SYCP2L: variants seen among roughly 807,000 people sequenced by gnomAD.
SYCP2L encodes synaptonemal complex protein 2 like, also known as synaptonemal complex protein 2-like.
In SYCP2L, 98 loss-of-function variants were observed where a neutral mutation model predicts 125.8. That is an observed-to-expected ratio of 0.78 (90% CI 0.66 to 0.92). SYCP2L has a LOEUF of 0.92. Ranked by LOEUF, SYCP2L falls within the 40% of genes least tolerant of loss-of-function variation. SYCP2L has a pLI of 0.00. For synonymous variants in SYCP2L, 317 were observed against 325.4 expected (o/e 0.97, Z 0.28); for missense variants, 842 against 936.4 (o/e 0.90, Z 1.32).
Position 10,910,191 on chromosome 6 carries a change from A to G in SYCP2L, c.863A>G (p.Asp288Gly). The G allele has an allele frequency of 6.2e-7, 1 of 1,613,776 alleles. No individual in the cohort carries two copies. Among genetic ancestry groups the G allele is most frequent in the Non-Finnish European group, 8.5e-7 (1 of 1,179,844 alleles). ...FLNHLNNRLG[D>G]QRRVYSFPCI... Reference sequence around the variant, plus strand: ...AATCACCTAAACAACAGACTTGGTGACCAAAGAAGGTAAGTTGTGTCTCTG... The same window carrying G: ...AATCACCTAAACAACAGACTTGGTGGCCAAAGAAGGTAAGTTGTGTCTCTG... Residue 288 changes from aspartate (D) to glycine (G), a missense_variant, in exon 11 of 30, where the codon GAC (aspartate) becomes GGC (glycine). Coordinates refer to ENST00000283141, the MANE Select transcript of SYCP2L (RefSeq NM_001040274.3).
chr6:10,945,976 A>C (rs1490394204), intron 23 of SYCP2L, among the ~76,000 whole-genome samples: 1 of 151,038 alleles, frequency 6.6e-6, no homozygotes, highest in Non-Finnish European at 1.5e-5. Context: ...CATGACTGAC[A>C]TATGTGTATG....
At chr6:10,943,462 C>A (rs1466948276) in intron 23 of SYCP2L, among the ~76,000 whole-genome samples, 1 of 152,026 alleles carries the variant, frequency 6.6e-6, no homozygotes. Context: ...CATCCCACCC[C>A]CTCCCCTTAA....
At chr6:10,922,434 G>T (rs1780814711) in intron 14 of SYCP2L, among the ~76,000 whole-genome samples, 1 of 150,180 alleles carries the variant, frequency 6.7e-6, no homozygotes, top group Non-Finnish European at 1.5e-5. Context: ...GTATATGTTT[G>T]CATTGATCCC....
At position 10,910,802 on chromosome 6, in the gene SYCP2L, T is replaced by C. The variant is rs764941731; in HGVS notation, c.873-22T>C. 3 of 1,613,634 alleles carry C rather than the reference T, an allele frequency of 1.9e-6. No homozygotes were observed. The Admixed American group carries it at 5.0e-5, about 27-fold the overall frequency. On this transcript the variant is annotated intron_variant, in intron 11 of 29. Transcript: ENST00000283141. The stretch of plus-strand genomic sequence containing the variant: ...TAAGATTCATTCATGTTTTATTTTT[T>C]TAATTGTGAGGTATTTTGCAGGGTG...
chr6:10,955,362 G>A (rs1029864343), intron 24 of SYCP2L, 145 bp downstream of exon 24: 15 of 546,528 alleles, frequency 2.7e-5, no homozygotes, highest in Admixed American at 2.6e-4. Context: ...TTGTGCTTTT[G>A]GAGACAAATA....
At chr6:10,942,919 G>C (rs1781249791) in intron 23 of SYCP2L, among the ~76,000 whole-genome samples, 173 bp downstream of exon 23, 1 of 152,088 alleles carries the variant, frequency 6.6e-6, no homozygotes, top group African/African-American at 2.4e-5. Context: ...GTTCATGAAG[G>C]TTAGGAGGAA....
rs1243460237 is a variant in SYCP2L, at chr6:10,887,111, A to G, written c.-16A>G. On this transcript the variant is annotated 5_prime_UTR_variant, in exon 1 of 30. Transcript: ENST00000283141. ...AGCTGAGCGGCGCGTCGCTTCAGGA[A>G]CGAAGAAGCCTCGTTATGCAAGCGG... 3.1e-6 allele frequency: 5 copies of G among 1,614,108 alleles called. No homozygotes were observed. In the Admixed American group the frequency reaches 8.3e-5, roughly 27 times the overall value.
intron 4 of SYCP2L, among the ~76,000 whole-genome samples, chr6:10,894,941 T>C (rs1780231786): frequency 6.6e-6 from 1 of 152,178 alleles, no homozygotes; most frequent in African/African-American, 2.4e-5. Flanking sequence ...CAGAAGTTTA[T>C]TGAGGCCAGA....
At chr6:10,914,968 ACTC>A (rs1305710518) in intron 14 of SYCP2L, among the ~76,000 whole-genome samples, 1 of 150,866 alleles carries the variant, frequency 6.6e-6, no homozygotes, top group East Asian at 1.9e-4. Flanking sequence ...CCGATCATGA[ACTC>A]CTGACCTCAG....
chr6:10,887,657 T>G (rs1157708049), intron 1 of SYCP2L, among the ~76,000 whole-genome samples: 2 of 152,166 alleles, frequency 1.3e-5, no homozygotes, highest in African/African-American at 2.4e-5. Context: ...GGCGTGTTTC[T>G]AACATTCTTC....
In SYCP2L at chr6:10,907,892, G is replaced by GTTTTTTTTTTTTTTTTTTTTTT. The variant is rs551103839; in HGVS notation, c.819+226_819+227insTTTTTTTTTTTTTTTTTTTTTT. 2.5e-3 allele frequency among the ~76,000 whole-genome samples: 231 copies of GTTTTTTTTTTTTTTTTTTTTTT among 91,894 alleles called. 42 individuals are homozygous for GTTTTTTTTTTTTTTTTTTTTTT. The highest frequency in any genetic ancestry group is 6.8e-3 in the East Asian group (19 of 2,806). 60.3% of individuals were successfully genotyped at this position (91,894 alleles called of 152,430 possible). ...GAGCTAGATATAGGGATACAGATAG[G>GTTTTTTTTTTTTTTTTTTTTTT]TTTTTTTTTTTTTTTTTTGACAGAG... On this transcript the variant is annotated intron_variant, in intron 10 of 29. Transcript: ENST00000283141.
intron 14 of SYCP2L, among the ~76,000 whole-genome samples, chr6:10,921,222 A>G (rs1008357202): frequency 2.0e-5 from 3 of 151,978 alleles, no homozygotes; most frequent in Admixed American, 6.6e-5. Flanking sequence ...CATTTTTTTT[A>G]TGGCTGCATA....
Position 10,955,233 on chromosome 6 carries a change from C to T in SYCP2L, c.2056+16C>T, listed in dbSNP as rs749227194. ...GAGTTGCCAGGTAACATCATGCACCCAGCCAATGGTTCAAGTAGGAGTGGG... is the reference window on the plus strand; with the variant it reads ...GAGTTGCCAGGTAACATCATGCACCTAGCCAATGGTTCAAGTAGGAGTGGG... On this transcript the variant is annotated intron_variant, in intron 24 of 29. Transcript: ENST00000283141. 6.6e-7 allele frequency: 1 copy of T among 1,519,474 alleles called. No homozygotes were observed. The highest frequency in any genetic ancestry group is 1.1e-5 in the South Asian group (1 of 89,122). The allele number at this position is 1,519,474 out of a possible 1,614,324, so 94.1% of individuals were successfully genotyped here.
chr6:10,970,466 A>T (rs777107104), intron 29 of SYCP2L, among the ~76,000 whole-genome samples: 2 of 152,128 alleles, frequency 1.3e-5, no homozygotes, highest in African/African-American at 2.4e-5. Context: ...ACTATTTTCG[A>T]AGGCATGTAT....
chr6:10,914,988 C>T (rs561874122), intron 14 of SYCP2L, among the ~76,000 whole-genome samples: 13 of 152,074 alleles, frequency 8.5e-5, no homozygotes, highest in Admixed American at 2.0e-4. Flanking sequence ...TCAGGTGATC[C>T]GCCCAACTCA....
At chr6:10,917,512 C>T (rs1366292673) in intron 14 of SYCP2L, among the ~76,000 whole-genome samples, 1 of 152,132 alleles carries the variant, frequency 6.6e-6, no homozygotes, top group Non-Finnish European at 1.5e-5. Flanking sequence ...TTTTTCCACG[C>T]CTTTACCTTA....
chr6:10,959,442 G>A (rs1040111795), intron 26 of SYCP2L, among the ~76,000 whole-genome samples: 1 of 152,194 alleles, frequency 6.6e-6, no homozygotes, highest in Non-Finnish European at 1.5e-5. Flanking sequence ...TTCTGTTTGG[G>A]ATGATGGAAG....
At chr6:10,934,715 T>C (rs1255114409) in intron 20 of SYCP2L, among the ~76,000 whole-genome samples, 1 of 152,178 alleles carries the variant, frequency 6.6e-6, no homozygotes, top group Non-Finnish European at 1.5e-5. Flanking sequence ...CAAGAATCTG[T>C]AAGATTCTTT....
intron 4 of SYCP2L, among the ~76,000 whole-genome samples, chr6:10,895,311 T>C (rs1243597466): frequency 1.3e-5 from 2 of 152,316 alleles, no homozygotes; most frequent in East Asian, 3.9e-4. Flanking sequence ...CTTGGCCAGT[T>C]GCCATGAGAG....
Sources: gnomAD v4.1 joint callset for allele counts (sites outside exome capture counted in the v4.1 genomes callset) on GRCh38, gnomAD v4.1.1 for gene constraint, MANE v1.5 for transcripts, NCBI Gene and HGNC (gene_info 2026-07-23, HGNC 2026-07-21) for gene names.